The following ANKRD44 variants were observed in gnomAD, a reference collection of about 807,000 sequenced individuals.
ANKRD44 encodes the protein ankyrin repeat domain 44.
A neutral mutation model predicts 116.0 loss-of-function variants in ANKRD44; 35 were observed. The ratio of observed to expected loss-of-function variants is 0.30; its 90% CI spans 0.23 to 0.40. The LOEUF is 0.40. ANKRD44 is among the 10% of genes least tolerant of loss of function. The pLI, the probability that ANKRD44 is intolerant of heterozygous loss-of-function variation, is 1.00. For synonymous variants in ANKRD44, 435 were observed against 461.8 expected (o/e 0.94, Z 0.74); for missense variants, 1,014 against 1,242.6 (o/e 0.82, Z 2.77).
intron 1 of ANKRD44, among the ~76,000 whole-genome samples, chr2:197,253,554 T>A (rs2082370348): frequency 6.6e-6 from 1 of 151,480 alleles, no homozygotes; most frequent in Non-Finnish European, 1.5e-5. Context: ...GCTATATATA[T>A]TTATTGCATA....
At chr2:197,220,284 T>C (rs2081553833) in intron 1 of ANKRD44, among the ~76,000 whole-genome samples, 1 of 152,234 alleles carries the variant, frequency 6.6e-6, no homozygotes, top group Non-Finnish European at 1.5e-5. Flanking sequence ...TTAATATGGA[T>C]AAATATTTTA....
intron 15 of ANKRD44, among the ~76,000 whole-genome samples, chr2:197,079,738 T>C (rs1217822051): frequency 3.3e-5 from 5 of 152,200 alleles, no homozygotes; most frequent in Non-Finnish European, 7.3e-5. Context: ...ATGTTAAGAT[T>C]CTAAATATCA....
chr2:197,123,084 C>T (rs1344814714), intron 6 of ANKRD44, among the ~76,000 whole-genome samples: 1 of 151,946 alleles, frequency 6.6e-6, no homozygotes, highest in Non-Finnish European at 1.5e-5. Context: ...GAGGTTTTGC[C>T]AAGATATTAG....
At chr2:197,065,634 C>T (rs1325083318) in intron 16 of ANKRD44, among the ~76,000 whole-genome samples, 1 of 152,160 alleles carries the variant, frequency 6.6e-6, no homozygotes, top group African/African-American at 2.4e-5. Context: ...ACCAATCCCA[C>T]AGAAATACAA....
intron 1 of ANKRD44, among the ~76,000 whole-genome samples, chr2:197,306,469 G>C (rs1341052972): frequency 6.6e-6 from 1 of 152,178 alleles, no homozygotes; most frequent in Non-Finnish European, 1.5e-5. Flanking sequence ...CACAATAAAT[G>C]TGTGACATTA....
chr2:197,310,644 G>T lies in ANKRD44; in HGVS notation c.-40C>A. On this transcript the variant is annotated 5_prime_UTR_variant, in exon 1 of 28. Coordinates refer to ENST00000282272, the MANE Select transcript of ANKRD44 (RefSeq NM_001195144.2). ...GCGCGCACACACATGCAGGTCCCCG[G>T]CCCGCAGATGTCACGCCGGGAGCCG... is the stretch of plus-strand genomic sequence containing the variant. The T allele has an allele frequency of 7.5e-7, 1 of 1,336,256 alleles. No individual in the cohort carries two copies. Among genetic ancestry groups the T allele is most frequent in the Non-Finnish European group, 9.8e-7 (1 of 1,020,052 alleles). The allele number at this position is 1,336,256 out of a possible 1,614,324, so 82.8% of individuals were successfully genotyped here. A position where few individuals can be genotyped will look rare whatever the true frequency, so the allele number is the denominator to read the frequency against.
Position 197,086,666 on chromosome 2 carries a change from C to T in ANKRD44, c.1316+14G>A. On this transcript the variant is annotated intron_variant, in intron 13 of 27. Coordinates refer to ENST00000282272, the MANE Select transcript of ANKRD44 (RefSeq NM_001195144.2). Reference sequence around the variant, plus strand: ...TTATTTAAGCACTTGAAGCACAACTCTCTGATTACATACCTCCCACACTTG... The same window carrying T: ...TTATTTAAGCACTTGAAGCACAACTTTCTGATTACATACCTCCCACACTTG... 3 of 1,613,272 alleles carry T rather than the reference C, an allele frequency of 1.9e-6. No homozygotes were observed. The South Asian group carries it at 3.3e-5, about 18-fold the overall frequency.
At chr2:196,999,190 C>CCCTCTAAAGGGA (rs2076069243) in intron 23 of ANKRD44, 138 bp from the exon 24 acceptor site, 1 of 1,009,906 alleles carries the variant, frequency 9.9e-7, no homozygotes, top group Admixed American at 2.8e-5. Context: ...CAGGTCCCCT[C>CCCTCTAAAGGGA]CCTCTAAAGG....
At chr2:197,228,351 G>A (rs1169353486) in intron 1 of ANKRD44, among the ~76,000 whole-genome samples, 2 of 152,200 alleles carry the variant, frequency 1.3e-5, no homozygotes, top group Non-Finnish European at 2.9e-5. Context: ...TCATTCAAGA[G>A]ATGGTCATCA....
intron 1 of ANKRD44, among the ~76,000 whole-genome samples, chr2:197,248,578 G>GTGTGTGTA (rs544362365): frequency 6.9e-6 from 1 of 144,256 alleles, no homozygotes; most frequent in South Asian, 2.2e-4. Flanking sequence ...GTGTGTGTGT[G>GTGTGTGTA]TATATATATA....
chr2:197,246,615 T>G (rs1043397094), intron 1 of ANKRD44, among the ~76,000 whole-genome samples: 2 of 151,990 alleles, frequency 1.3e-5, no homozygotes, highest in Non-Finnish European at 2.9e-5. Flanking sequence ...CAACCCCCTA[T>G]GCAATCTTTT....
At chr2:197,280,740 G>A (rs2083240553) in intron 1 of ANKRD44, among the ~76,000 whole-genome samples, 1 of 152,134 alleles carries the variant, frequency 6.6e-6, no homozygotes, top group African/African-American at 2.4e-5. Context: ...TGATAAACCA[G>A]CTACCCACAG....
chr2:197,232,367 G>C (rs2081885142), intron 1 of ANKRD44, among the ~76,000 whole-genome samples: 1 of 152,146 alleles, frequency 6.6e-6, no homozygotes, highest in East Asian at 1.9e-4. Context: ...GTCATTTGAG[G>C]TCTGTCCATT....
At chr2:197,263,603 G>T (rs1469889578) in intron 1 of ANKRD44, 1 of 212,460 alleles carries the variant, frequency 4.7e-6, no homozygotes. Context: ...TTCTTTTCCT[G>T]CACCTCCCCA....
chr2:197,155,981 A>C (rs181044167), intron 2 of ANKRD44, among the ~76,000 whole-genome samples: 6 of 152,354 alleles, frequency 3.9e-5, no homozygotes, highest in Admixed American at 1.3e-4. Flanking sequence ...AAACAATCCA[A>C]TTAAAAAGTA....
chr2:197,138,656 T>A (rs2079279714), intron 3 of ANKRD44, among the ~76,000 whole-genome samples: 1 of 152,188 alleles, frequency 6.6e-6, no homozygotes, highest in Non-Finnish European at 1.5e-5. Flanking sequence ...GGACTTTTCT[T>A]GCATCATAAA....
chr2:197,003,944 T>A (rs1047694888), intron 21 of ANKRD44, among the ~76,000 whole-genome samples: 1 of 151,966 alleles, frequency 6.6e-6, no homozygotes, highest in Non-Finnish European at 1.5e-5. Flanking sequence ...AGGACCGTAG[T>A]GAAAACACAG....
At chr2:197,291,976 A>G (rs1689271001) in intron 1 of ANKRD44, among the ~76,000 whole-genome samples, 1 of 152,174 alleles carries the variant, frequency 6.6e-6, no homozygotes, top group Admixed American at 6.5e-5. Context: ...TTCCACCTCC[A>G]TCCATGTCCC....
intron 9 of ANKRD44, among the ~76,000 whole-genome samples, chr2:197,108,856 C>CAAAAAAAA (rs1228651033): frequency 1.0e-4 from 15 of 148,970 alleles, no homozygotes; most frequent in African/African-American, 3.9e-4. Flanking sequence ...ACAACAACAA[C>CAAAAAAAA]AACAACAACA....
Sources: allele counts gnomAD v4.1 joint callset (sites outside exome capture counted in the v4.1 genomes callset), GRCh38; gene constraint gnomAD v4.1.1; transcripts MANE v1.5; gene names NCBI Gene and HGNC (gene_info 2026-07-23, HGNC 2026-07-21).